Variants in CFAP44 observed in about 807,000 individuals in gnomAD.
CFAP44 encodes cilia and flagella associated protein 44, also known as cilia- and flagella-associated protein 44.
Under a neutral mutation model 216.2 loss-of-function variants are expected in CFAP44, and 134 were observed. The observed-to-expected ratio is 0.62, with a 90% CI of 0.54 to 0.72. The LOEUF is 0.72. Ranked by LOEUF, CFAP44 falls within the 30% of genes least tolerant of loss-of-function variation. The pLI is 0.00. For missense variants in CFAP44, 2,035 were observed against 2,182.1 expected, an observed-to-expected ratio of 0.93 and a Z score of 1.34; for synonymous variants, 700 against 727.6, an observed-to-expected ratio of 0.96 and a Z score of 0.61.
intron 7 of CFAP44, among the ~76,000 whole-genome samples, chr3:113,408,493 C>G (rs1355903640): frequency 1.3e-5 from 2 of 152,154 alleles, no homozygotes; most frequent in African/African-American, 4.8e-5. Flanking sequence ...GAAATACCAT[C>G]CCAATGTTAG....
intron 33 of CFAP44, among the ~76,000 whole-genome samples, chr3:113,295,878 A>G (rs1193139197): frequency 6.6e-6 from 1 of 152,192 alleles, no homozygotes; most frequent in African/African-American, 2.4e-5. Context: ...TAGCCACTCC[A>G]TTTCTAAAAC....
intron 14 of CFAP44, 62 bp from the exon 15 acceptor site, chr3:113,395,922 C>CA (rs1233905753): frequency 2.4e-6 from 3 of 1,228,196 alleles, no homozygotes; most frequent in South Asian, 1.3e-5. Context: ...CTATAGATCA[C>CA]AAAAAAGCAT....
chr3:113,379,359 A>G lies in CFAP44; in HGVS notation c.2245T>C (p.Ser749Pro). 6.2e-7 allele frequency: 1 copy of G among 1,612,482 alleles called. No homozygotes were observed. The highest frequency in any genetic ancestry group is 2.2e-5 in the East Asian group (1 of 44,826). Residue 749 changes from serine (S) to proline (P), a missense_variant, in exon 17 of 35, where the codon TCT (serine) becomes CCT (proline). This residue lies in a region of CFAP44 where 1,883 missense variants were observed against 2,023.7 expected (regional missense o/e 0.93). Coordinates refer to ENST00000393845, the MANE Select transcript of CFAP44 (RefSeq NM_001164496.2). ...LPEIFIPSTP[S>P]PILCGFYSEP... ...GAGTAAAATCCACAGAGGATGGGAG[A>G]GGGGGTTGACGGAATAAATATTTCA...
chr3:113,338,971 C>T (rs1950306569), intron 24 of CFAP44, among the ~76,000 whole-genome samples: 1 of 152,132 alleles, frequency 6.6e-6, no homozygotes, highest in Admixed American at 6.5e-5. Context: ...TGGGTTTACC[C>T]CTTGCAACCT....
rs1949971995 is a variant in CFAP44, at chr3:113,305,046, T to A, written c.4865A>T (p.Lys1622Met). Residue 1622 changes from lysine (K) to methionine (M), a missense_variant, in exon 31 of 35, where the codon AAG becomes ATG. By Grantham distance (95) the Lys-to-Met change is moderately conservative (BLOSUM62 -1). Transcript: ENST00000393845. ...CCCCAGACGCATCACCTGGTGGAGC[T>A]TGAGCGGAATCACAACTAGCAGTTC... ...LNELLVVIPL[K>M]LHQIEYVVFG... The A allele has an allele frequency of 6.5e-7, 1 of 1,537,092 alleles. No individual in the cohort carries two copies. The highest frequency in any genetic ancestry group is 8.7e-7 in the Non-Finnish European group (1 of 1,146,910).
At chr3:113,396,797 T>C in intron 13 of CFAP44, 70 bp from the exon 14 acceptor site, 2 of 1,433,982 alleles carry the variant, frequency 1.4e-6, no homozygotes, top group Non-Finnish European at 1.9e-6. Flanking sequence ...ATAACAGATA[T>C]TTTATTTAGA....
At chr3:113,310,755 C>A (rs1950029694) in intron 28 of CFAP44, among the ~76,000 whole-genome samples, 1 of 152,130 alleles carries the variant, frequency 6.6e-6, no homozygotes, top group Non-Finnish European at 1.5e-5. Flanking sequence ...CCCCTCAGTG[C>A]TGTTCTCATG....
intron 22 of CFAP44, among the ~76,000 whole-genome samples, chr3:113,355,241 C>G (rs1009790150): frequency 6.6e-6 from 1 of 152,102 alleles, no homozygotes; most frequent in African/African-American, 2.4e-5. Flanking sequence ...AAAATTTAAG[C>G]CAGGCGTGGT....
intron 21 of CFAP44, 38 bp downstream of exon 21, chr3:113,363,107 A>G (rs1950557047): frequency 6.6e-7 from 1 of 1,517,110 alleles, no homozygotes; most frequent in East Asian, 2.4e-5. Context: ...CAGAAATAGC[A>G]TATGTTAAAA....
Position 113,401,723 on chromosome 3 carries a change from G to T in CFAP44, c.1187C>A (p.Thr396Lys), listed in dbSNP as rs748656157. The T allele has an allele frequency of 1.2e-6, 2 of 1,607,612 alleles. No homozygotes were observed. Among genetic ancestry groups the T allele is most frequent in the South Asian group, 2.2e-5 (2 of 89,924 alleles). Reference protein sequence around the residue: ...DGYVRIWDFETIDTADVIDET... With the variant: ...DGYVRIWDFEKIDTADVIDET... ...ATCTATTACATCAGCAGTGTCTATT[G>T]TCTCAAAATCCCATATCTTGTAAAA... is the stretch of plus-strand genomic sequence containing the variant. Residue 396 changes from threonine to lysine, a missense_variant, in exon 10 of 35, where the codon ACA becomes AAA. Around this residue, in one of 3 missense-constraint regions of CFAP44, gnomAD observed 1,883 missense variants for 2,023.7 expected, o/e 0.93. Transcript: ENST00000393845.
intron 18 of CFAP44, among the ~76,000 whole-genome samples, chr3:113,373,137 T>C (rs1042670201): frequency 6.6e-6 from 1 of 152,220 alleles, no homozygotes; most frequent in African/African-American, 2.4e-5. Flanking sequence ...TTTCTGACTA[T>C]GTAAGTAGCA....
At chr3:113,396,474 A>C (rs985165975) in intron 14 of CFAP44, 44 bp downstream of exon 14, 3 of 1,586,496 alleles carry the variant, frequency 1.9e-6, no homozygotes, top group Non-Finnish European at 1.7e-6. Context: ...AGGCAATTTA[A>C]CTATAAAATT....
chr3:113,381,231 T>C (rs1933499640), intron 15 of CFAP44, among the ~76,000 whole-genome samples, 171 bp from the exon 16 acceptor site: 1 of 151,976 alleles, frequency 6.6e-6, no homozygotes, highest in Non-Finnish European at 1.5e-5. Context: ...AATTATTATA[T>C]TGTCATAGTA....
intron 1 of CFAP44, among the ~76,000 whole-genome samples, chr3:113,439,574 G>A (rs1935311708): frequency 1.3e-5 from 2 of 152,004 alleles, no homozygotes; most frequent in African/African-American, 2.4e-5. Context: ...GTTTACCATG[G>A]CACGCATATT....
intron 13 of CFAP44, among the ~76,000 whole-genome samples, chr3:113,399,494 C>T (rs572866826): frequency 2.1e-5 from 3 of 144,556 alleles, no homozygotes; most frequent in South Asian, 2.1e-4. Flanking sequence ...CCCACTAAAG[C>T]GTAAGGTCCA....
intron 24 of CFAP44, among the ~76,000 whole-genome samples, chr3:113,339,878 G>A (rs1197064818): frequency 6.6e-6 from 1 of 152,150 alleles, no homozygotes; most frequent in Non-Finnish European, 1.5e-5. Flanking sequence ...ACAGTTTAGG[G>A]GGCAAAAAGA....
At position 113,401,628 on chromosome 3, in the gene CFAP44, T is replaced by C. The variant is rs776317299; in HGVS notation, c.1282A>G (p.Met428Val). ...TTTCCAGTTTCATTCATTTTTATCATAGAGAAGAGATTCACATTCTTGTCT... is the reference window on the plus strand; with the variant it reads ...TTTCCAGTTTCATTCATTTTTATCACAGAGAAGAGATTCACATTCTTGTCT... ...QVDKNVNLFS[M>V]IKMNETGNNF... Residue 428 changes from methionine (M) to valine (V), a missense_variant, in exon 10 of 35, where the codon ATG becomes GTG. Met to Val is a conservative substitution (Grantham distance 21). Around this residue, in one of 3 missense-constraint regions of CFAP44, gnomAD observed 1,883 missense variants for 2,023.7 expected, o/e 0.93. Coordinates refer to ENST00000393845, the MANE Select transcript of CFAP44 (RefSeq NM_001164496.2). 4 of 1,613,522 alleles carry C rather than the reference T, an allele frequency of 2.5e-6. No individual in the cohort carries two copies. The South Asian group carries it at 3.3e-5, about 13-fold the overall frequency.
intron 28 of CFAP44, among the ~76,000 whole-genome samples, chr3:113,320,349 C>A: frequency 6.8e-6 from 1 of 146,950 alleles, no homozygotes; most frequent in African/African-American, 2.6e-5. Context: ...CCCTGAATCT[C>A]AAGATATCCC....
chr3:113,429,654 T>C (rs1265373504), intron 2 of CFAP44, among the ~76,000 whole-genome samples: 2 of 152,158 alleles, frequency 1.3e-5, no homozygotes, highest in Non-Finnish European at 2.9e-5. Context: ...TAATAACATA[T>C]GCTTGTGAAA....
Sources: allele counts gnomAD v4.1 joint callset (sites outside exome capture counted in the v4.1 genomes callset), GRCh38; gene constraint gnomAD v4.1.1; regional missense constraint gnomAD v4.1.1; transcripts MANE v1.5; gene names NCBI Gene and HGNC (gene_info 2026-07-23, HGNC 2026-07-21).